The following RAB4A variants were observed in gnomAD, a reference collection of about 807,000 sequenced individuals.
RAB4A encodes the protein ras-related protein Rab-4A.
RAB4A carries 20 observed loss-of-function variants against 34.5 expected under a neutral mutation model. That is an observed-to-expected ratio of 0.58 (90% CI 0.41 to 0.84). The LOEUF (loss-of-function observed/expected upper bound fraction) is 0.84, where lower values mean the gene tolerates loss of function less well. Among genes scored for constraint, RAB4A ranks in the 40% least tolerant of loss-of-function variants. The pLI, the probability that RAB4A is intolerant of heterozygous loss-of-function variation, is 0.00. For missense variants in RAB4A, 228 were observed against 274.5 expected, an observed-to-expected ratio of 0.83 and a Z score of 1.20; for synonymous variants, 102 against 100.0, an observed-to-expected ratio of 1.02 and a Z score of -0.12.
At chr1:229,286,626 G>C (rs939539915) in intron 2 of RAB4A, 60 bp downstream of exon 2, 6 of 1,096,020 alleles carry the variant, frequency 5.5e-6, no homozygotes, top group Admixed American at 5.7e-5. Context: ...CTCTCACTCA[G>C]ATTTGTTTAC....
chr1:229,277,058 T>C lies in RAB4A; in HGVS notation c.31+5688T>C, dbSNP rs555542109. ...TTTACAATTTATATATAATTATTTA[T>C]AATTTATATATAATTATTTATATTT... is the stretch of plus-strand genomic sequence containing the variant. On this transcript the variant is annotated intron_variant, in intron 1 of 7. Transcript: ENST00000366690. Among the ~76,000 whole-genome samples the C allele has an allele frequency of 2.4e-4, 35 of 146,744 alleles. No homozygotes were observed. The East Asian group carries it at 3.7e-3, about 16-fold the overall frequency.
intron 1 of RAB4A, among the ~76,000 whole-genome samples, chr1:229,275,232 TAGACA>T (rs1656608524): frequency 6.6e-6 from 1 of 152,090 alleles, no homozygotes; most frequent in Non-Finnish European, 1.5e-5. Flanking sequence ...GAGGGAAACT[TAGACA>T]CAAATGCATT....
intron 2 of RAB4A, 131 bp downstream of exon 2, chr1:229,286,697 G>A (rs1370441242): frequency 8.7e-6 from 5 of 574,542 alleles, no homozygotes; most frequent in East Asian, 3.2e-5. Context: ...GAAGGGTTAT[G>A]TTATTGAACT....
At chr1:229,295,779 T>G (rs1657236958) in intron 3 of RAB4A, 69 bp from the exon 4 acceptor site, 3 of 1,517,454 alleles carry the variant, frequency 2.0e-6, no homozygotes, top group Non-Finnish European at 2.7e-6. Context: ...TGGGTGTTTT[T>G]TCATGGGAAA....
At chr1:229,293,095 T>C (rs1184754699) in intron 3 of RAB4A, among the ~76,000 whole-genome samples, 1 of 152,210 alleles carries the variant, frequency 6.6e-6, no homozygotes, top group Non-Finnish European at 1.5e-5. Flanking sequence ...ACATTTTTCC[T>C]GGCATTTACT....
chr1:229,281,818 A>T (rs1322026754), intron 1 of RAB4A, among the ~76,000 whole-genome samples: 252 of 2,096 alleles, frequency 0.12, no homozygotes, highest in Middle Eastern at 0.33. Flanking sequence ...TATCATAGTT[A>T]TATATATATA....
chr1:229,274,249 G>C (rs1656580109), intron 1 of RAB4A, among the ~76,000 whole-genome samples: 1 of 147,922 alleles, frequency 6.8e-6, no homozygotes, highest in Non-Finnish European at 1.5e-5. Flanking sequence ...TTTTTTTGTA[G>C]AGACGAGGTC....
At position 229,292,026 on chromosome 1, in the gene RAB4A, A is replaced by G. The variant is rs188803981; in HGVS notation, c.227+3183A>G. ...GGTGGGAATTGAATAATGAGAACAC[A>G]TGGACACAGGAAGGGGAACATCACA... On this transcript the variant is annotated intron_variant, in intron 3 of 7. Transcript: ENST00000366690. Among the ~76,000 whole-genome samples, 152 of 131,208 alleles carry G rather than the reference A, an allele frequency of 1.2e-3. 2 individuals carry two copies. The East Asian group carries it at 0.032, about 28-fold the overall frequency. The allele number at this position is 131,208 out of a possible 152,430, so 86.1% of individuals were successfully genotyped here.
intron 6 of RAB4A, among the ~76,000 whole-genome samples, chr1:229,300,524 T>TCTTA: frequency 6.6e-6 from 1 of 152,280 alleles, no homozygotes; most frequent in South Asian, 2.1e-4. Flanking sequence ...GACAACTGAC[T>TCTTA]CTTAGGTGGG....
intron 1 of RAB4A, among the ~76,000 whole-genome samples, chr1:229,274,795 G>T (rs1363703281): frequency 1.3e-5 from 2 of 152,132 alleles, no homozygotes; most frequent in Non-Finnish European, 2.9e-5. Flanking sequence ...TTAAGTGCTG[G>T]GGCAGTTCGA....
At chr1:229,287,405 T>A (rs1435795614) in intron 2 of RAB4A, among the ~76,000 whole-genome samples, 1 of 152,228 alleles carries the variant, frequency 6.6e-6, no homozygotes, top group Non-Finnish European at 1.5e-5. Flanking sequence ...ATGGACCCAG[T>A]GTGGCTTAGT....
In RAB4A at chr1:229,303,889, G is replaced by A. The variant is rs2102682255; in HGVS notation, c.*96G>A. On this transcript the variant is annotated 3_prime_UTR_variant, in exon 8 of 8. Transcript: ENST00000366690. ...TTTTACCACCATCTTTTTCTACTCTGTATGGAAGTAGATCTTTATGGGGAA... is the reference window on the plus strand; with the variant it reads ...TTTTACCACCATCTTTTTCTACTCTATATGGAAGTAGATCTTTATGGGGAA... 6.6e-6 allele frequency: 1 copy of A among 152,246 alleles called. No individual in the cohort carries two copies. The highest frequency in any genetic ancestry group is 2.1e-4 in the South Asian group (1 of 4,826). 9.4% of individuals were successfully genotyped at this position (152,246 alleles called of 1,614,324 possible).
rs868373467 is a variant in RAB4A, at chr1:229,271,122, C to G, written c.-218C>G. ...GCGTAGCCCATCTCCTCTTCCTCCTCGCGGTCGCGGCCGGACGGAGGGTGG... is the reference window on the plus strand; with the variant it reads ...GCGTAGCCCATCTCCTCTTCCTCCTGGCGGTCGCGGCCGGACGGAGGGTGG... On this transcript the variant is annotated 5_prime_UTR_variant, in exon 1 of 8. Coordinates refer to ENST00000366690, the MANE Select transcript of RAB4A (RefSeq NM_004578.4). 5 of 365,594 alleles carry G rather than the reference C, an allele frequency of 1.4e-5. No individual in the cohort carries two copies. The highest frequency in any genetic ancestry group is 4.3e-5 in the African/African-American group (2 of 46,970). The allele number at this position is 365,594 out of a possible 1,614,324, so 22.6% of individuals were successfully genotyped here. A position where few individuals can be genotyped will look rare whatever the true frequency, so the allele number is the denominator to read the frequency against.
intron 6 of RAB4A, among the ~76,000 whole-genome samples, chr1:229,300,602 G>T (rs1019272728): frequency 2.0e-5 from 3 of 152,196 alleles, no homozygotes; most frequent in Non-Finnish European, 4.4e-5. Flanking sequence ...TCACACTGGT[G>T]TCTCTAGACA....
intron 3 of RAB4A, among the ~76,000 whole-genome samples, chr1:229,294,291 C>G (rs995486105): frequency 1.3e-5 from 2 of 152,220 alleles, no homozygotes; most frequent in African/African-American, 4.8e-5. Context: ...CAGGACCCAG[C>G]TCTGGGGAAT....
At chr1:229,289,727 A>T (rs536967798) in intron 3 of RAB4A, among the ~76,000 whole-genome samples, 1 of 152,342 alleles carries the variant, frequency 6.6e-6, no homozygotes, top group African/African-American at 2.4e-5. Context: ...GAGGCAGGAA[A>T]ATCGCTTGAA....
rs1657489621 is a variant in RAB4A at position 229,304,195 on chromosome 1, G to T, written c.*402G>T. 1 of 151,864 alleles carries T rather than the reference G, an allele frequency of 6.6e-6. No individual in the cohort carries two copies. Among genetic ancestry groups the T allele is most frequent in the South Asian group, 2.1e-4 (1 of 4,814 alleles). The allele number at this position is 151,864 out of a possible 1,614,324, so 9.4% of individuals were successfully genotyped here. The stretch of plus-strand genomic sequence containing the variant: ...ATGAACTAAAATTGTCAATTGTGAG[G>T]TGTGCTTTTCTCATCATGTTGGTTA... On this transcript the variant is annotated 3_prime_UTR_variant, in exon 8 of 8. Transcript: ENST00000366690.
chr1:229,286,127 A>G (rs548627575), intron 1 of RAB4A, among the ~76,000 whole-genome samples: 4 of 152,250 alleles, frequency 2.6e-5, no homozygotes, highest in African/African-American at 9.6e-5. Flanking sequence ...TCTTTTGTAC[A>G]GAAAACACTT....
intron 3 of RAB4A, among the ~76,000 whole-genome samples, chr1:229,292,588 C>T (rs1657120590): frequency 6.6e-6 from 1 of 152,188 alleles, no homozygotes; most frequent in African/African-American, 2.4e-5. Flanking sequence ...CTCTTGCTAA[C>T]AGTCTCAAGG....
Sources: allele counts gnomAD v4.1 joint callset (sites outside exome capture counted in the v4.1 genomes callset), GRCh38; gene constraint gnomAD v4.1.1; transcripts MANE v1.5; gene names NCBI Gene and HGNC (gene_info 2026-07-23, HGNC 2026-07-21).